Variants in SPECC1 observed in about 807,000 individuals in gnomAD.
SPECC1 encodes sperm antigen with calponin homology and coiled-coil domains 1.
In SPECC1, 62 loss-of-function variants were observed where a neutral mutation model predicts 104.1. The ratio of observed to expected loss-of-function variants is 0.60; its 90% CI spans 0.49 to 0.74. SPECC1 has a LOEUF of 0.74. Ranked by LOEUF, SPECC1 falls within the 30% of genes least tolerant of loss-of-function variation. The probability of loss-of-function intolerance (pLI) is 0.00; values close to 1 mark genes in which losing one functional copy is unlikely to be tolerated. For synonymous variants in SPECC1, 513 were observed against 501.6 expected (o/e 1.02, Z -0.30); for missense variants, 1,306 against 1,310.5 (o/e 1.00, Z 0.05).
intron 13 of SPECC1, among the ~76,000 whole-genome samples, chr17:20,299,941 A>G (rs2041512598): frequency 6.6e-6 from 1 of 152,220 alleles, no homozygotes; most frequent in Non-Finnish European, 1.5e-5. Context: ...TCCTGGGATG[A>G]TGGGAATGTT....
intron 3 of SPECC1, among the ~76,000 whole-genome samples, chr17:20,134,280 T>C (rs1185736060): frequency 1.3e-5 from 2 of 151,724 alleles, no homozygotes. Context: ...TGGCTGCCAG[T>C]ATCCTCAATT....
rs2042031522 is a variant in SPECC1 at position 20,315,684 on chromosome 17, AC to A, written c.*1621del. The A allele has an allele frequency of 4.3e-6, 1 of 231,948 alleles. No individual in the cohort carries two copies. Among genetic ancestry groups the A allele is most frequent in the Admixed American group, 5.6e-5 (1 of 17,704 alleles). The allele number at this position is 231,948 out of a possible 1,614,324, so 14.4% of individuals were successfully genotyped here. A position where few individuals can be genotyped will look rare whatever the true frequency, so the allele number is the denominator to read the frequency against. ...CTAGAGGCTGCAGGTCCAGCCCCTT[AC>A]CATTCCTGGAGAGGTAGGAGCTCAG... On this transcript the variant is annotated 3_prime_UTR_variant, in exon 15 of 15. Coordinates refer to ENST00000395527, the MANE Select transcript of SPECC1 (RefSeq NM_001243439.2).
intron 3 of SPECC1, among the ~76,000 whole-genome samples, chr17:20,124,337 G>A (rs2049179143): frequency 6.6e-6 from 1 of 152,144 alleles, no homozygotes; most frequent in Non-Finnish European, 1.5e-5. Flanking sequence ...CTGGCCTTGG[G>A]AAGGCAGTGG....
chr17:20,294,022 C>G (rs1246002203), intron 12 of SPECC1, among the ~76,000 whole-genome samples: 2 of 152,084 alleles, frequency 1.3e-5, no homozygotes, highest in African/African-American at 2.4e-5. Context: ...CAGAATGTCA[C>G]CTAGGCTGGA....
intron 1 of SPECC1, among the ~76,000 whole-genome samples, chr17:20,016,845 T>C (rs28767032): frequency 0.069 from 10,502 of 152,312 alleles, 973 homozygotes; most frequent in African/African-American, 0.21. Flanking sequence ...GCTCCACCTG[T>C]GGCACTGATG....
chr17:20,205,977 T>C, intron 4 of SPECC1, 65 bp downstream of exon 4: 1 of 1,528,564 alleles, frequency 6.5e-7, no homozygotes, highest in Non-Finnish European at 8.7e-7. Flanking sequence ...CCTTAACCTC[T>C]AAATTCACAG....
chr17:20,202,705 G>C (rs1327955511), intron 3 of SPECC1, among the ~76,000 whole-genome samples: 1 of 152,030 alleles, frequency 6.6e-6, no homozygotes, highest in African/African-American at 2.4e-5. Flanking sequence ...TTTCAGTCAG[G>C]CTTCCGGTCA....
chr17:20,074,262 A>G (rs1409609676), intron 1 of SPECC1, among the ~76,000 whole-genome samples: 1 of 152,180 alleles, frequency 6.6e-6, no homozygotes, highest in Non-Finnish European at 1.5e-5. Flanking sequence ...GCAATGCTCA[A>G]CATCTGGGCA....
intron 3 of SPECC1, among the ~76,000 whole-genome samples, chr17:20,175,289 G>T (rs1029860879): frequency 6.6e-6 from 1 of 152,280 alleles, no homozygotes; most frequent in Admixed American, 6.5e-5. Context: ...TCGAATTCAG[G>T]CAGTTGATCA....
intron 4 of SPECC1, among the ~76,000 whole-genome samples, chr17:20,213,592 A>C (rs982806456): frequency 1.3e-5 from 2 of 152,242 alleles, no homozygotes; most frequent in African/African-American, 4.8e-5. Flanking sequence ...GGAGAAATTC[A>C]CAGTGAAAAC....
intron 1 of SPECC1, among the ~76,000 whole-genome samples, chr17:20,053,359 T>A (rs1302970964): frequency 6.6e-6 from 1 of 152,224 alleles, no homozygotes; most frequent in African/African-American, 2.4e-5. Context: ...CTCAGGCATT[T>A]CAAGTTCAGC....
At chr17:20,249,253 A>G (rs2039534915) in intron 9 of SPECC1, among the ~76,000 whole-genome samples, 1 of 152,090 alleles carries the variant, frequency 6.6e-6, no homozygotes, top group Admixed American at 6.6e-5. Context: ...CCCCGTCTCT[A>G]CTAAAAATAC....
chr17:20,048,762 C>T (rs574261173), intron 1 of SPECC1, among the ~76,000 whole-genome samples: 10 of 151,780 alleles, frequency 6.6e-5, no homozygotes, highest in East Asian at 2.0e-4. Flanking sequence ...CATGATGGCA[C>T]GTGCCTGTAG....
intron 1 of SPECC1, among the ~76,000 whole-genome samples, chr17:20,031,144 G>A (rs1386970090): frequency 2.6e-5 from 4 of 151,986 alleles, no homozygotes; most frequent in African/African-American, 9.7e-5. Context: ...ATAAGTATAT[G>A]CCACCATGCC....
chr17:20,075,464 A>T (rs1314779221), intron 1 of SPECC1, among the ~76,000 whole-genome samples: 1 of 152,184 alleles, frequency 6.6e-6, no homozygotes, highest in Non-Finnish European at 1.5e-5. Flanking sequence ...CAGAAATTGG[A>T]GAAAATAGTG....
At chr17:20,047,893 C>T (rs1456697990) in intron 1 of SPECC1, among the ~76,000 whole-genome samples, 1 of 152,124 alleles carries the variant, frequency 6.6e-6, no homozygotes. Context: ...TTCCTATATT[C>T]CATTTCCCCA....
chr17:20,199,338 C>T lies in SPECC1; in HGVS notation c.284-4995C>T, dbSNP rs1317892902. On this transcript the variant is annotated intron_variant, in intron 3 of 14. Transcript: ENST00000395527. ...CTGACCTCAGGTGATCCACCTGCCT[C>T]GGCCTCCCAAAGTGCTGGAATTACA... Among the ~76,000 whole-genome samples the T allele has an allele frequency of 3.4e-5, 5 of 147,578 alleles. No homozygotes were observed. In the Admixed American group the frequency reaches 3.4e-4, roughly 10 times the overall value.
intron 13 of SPECC1, among the ~76,000 whole-genome samples, chr17:20,303,133 ATTACATAT>A (rs2041648295): frequency 6.6e-6 from 1 of 152,174 alleles, no homozygotes; most frequent in African/African-American, 2.4e-5. Flanking sequence ...AATGTTTGGC[ATTACATAT>A]TAAAAGCCAT....
intron 3 of SPECC1, among the ~76,000 whole-genome samples, chr17:20,188,790 G>C (rs1296629840): frequency 6.6e-6 from 1 of 152,116 alleles, no homozygotes; most frequent in Non-Finnish European, 1.5e-5. Context: ...CCGATTCAAA[G>C]GATACGGACG....
Sources: allele counts gnomAD v4.1 joint callset (sites outside exome capture counted in the v4.1 genomes callset), GRCh38; gene constraint gnomAD v4.1.1; transcripts MANE v1.5; gene names NCBI Gene and HGNC (gene_info 2026-07-23, HGNC 2026-07-21).